RAI14: variants seen among roughly 807,000 people sequenced by gnomAD.
RAI14 encodes ankycorbin.
A neutral mutation model predicts 115.4 loss-of-function variants in RAI14; 45 were observed. That is an observed-to-expected ratio of 0.39 (90% CI 0.31 to 0.50). RAI14 has a LOEUF of 0.50. Ranked by LOEUF, RAI14 falls within the 20% of genes least tolerant of loss-of-function variation. The pLI, the probability that RAI14 is intolerant of heterozygous loss-of-function variation, is 0.85. For missense variants in RAI14, 939 were observed against 1,131.2 expected (o/e 0.83, Z 2.44); for synonymous variants, 371 against 415.4 (o/e 0.89, Z 1.30).
chr5:34,732,439 ATTTT>A (rs369302342), intron 2 of RAI14, among the ~76,000 whole-genome samples: 6,348 of 133,876 alleles, frequency 0.047, 375 homozygotes, highest in African/African-American at 0.16. Context: ...ACCATGCTTG[ATTTT>A]TTTTTTTTTT....
rs149066552 is a variant in RAI14, at chr5:34,711,598, G to C, written c.36+24643G>C. ...GCTCAGAGGCCTGACAACAGGGATGGAACCCTCATGAATGAGATTATTGCC... is the reference window on the plus strand; with the variant it reads ...GCTCAGAGGCCTGACAACAGGGATGCAACCCTCATGAATGAGATTATTGCC... On this transcript the variant is annotated intron_variant, in intron 2 of 17. Transcript: ENST00000265109. Among the ~76,000 whole-genome samples the C allele has an allele frequency of 2.5e-3, 382 of 152,334 alleles. 1 individual carries two copies. The highest frequency in any genetic ancestry group is 3.8e-3 in the Non-Finnish European group (256 of 68,032).
rs923634797 is a variant in RAI14, at chr5:34,817,584, G to A, written c.940-1213G>A. Among the ~76,000 whole-genome samples the A allele has an allele frequency of 2.0e-5, 3 of 152,104 alleles. No homozygotes were observed. In the East Asian group the frequency reaches 5.8e-4, roughly 29 times the overall value. On this transcript the variant is annotated intron_variant, in intron 12 of 17. Transcript: ENST00000265109. ...CATTCACAACCTCCCCAAATTGGAA[G>A]CAAACCAAATGTCCATGAACAAGTG...
At chr5:34,722,387 G>C (rs990169487) in intron 2 of RAI14, among the ~76,000 whole-genome samples, 1 of 151,644 alleles carries the variant, frequency 6.6e-6, no homozygotes. Flanking sequence ...CAAGGCAAGA[G>C]GTCCCAGGAG....
At chr5:34,821,518 G>A (rs958032195) in intron 13 of RAI14, among the ~76,000 whole-genome samples, 1 of 151,992 alleles carries the variant, frequency 6.6e-6, no homozygotes, top group East Asian at 1.9e-4. Flanking sequence ...GTGTACACAT[G>A]TATCTAGTAT....
rs975802336 is a variant in RAI14, at chr5:34,709,935, G to C, written c.36+22980G>C. Among the ~76,000 whole-genome samples, 4 of 152,322 alleles carry C rather than the reference G, an allele frequency of 2.6e-5. 1 individual carries two copies. The South Asian group carries it at 8.3e-4, about 32-fold the overall frequency. On this transcript the variant is annotated intron_variant, in intron 2 of 17. Transcript: ENST00000265109. ...TGTTTTCAAACCATCCCGAAGAAAA[G>C]CAAATGTGATTTAAGGCCAGATTGT...
chr5:34,678,099 G>GT (rs1561229790), intron 1 of RAI14, among the ~76,000 whole-genome samples: 14 of 123,706 alleles, frequency 1.1e-4, no homozygotes, highest in Admixed American at 1.7e-4. Flanking sequence ...ATTTTGTTTT[G>GT]TTTTGTTTTT....
chr5:34,696,210 C>T (rs1739209565), intron 2 of RAI14, among the ~76,000 whole-genome samples: 1 of 152,118 alleles, frequency 6.6e-6, no homozygotes. Flanking sequence ...ACAATCTTGG[C>T]TCACTGCAAC....
At chr5:34,723,924 G>A (rs1189103778) in intron 2 of RAI14, among the ~76,000 whole-genome samples, 1 of 152,092 alleles carries the variant, frequency 6.6e-6, no homozygotes, top group East Asian at 1.9e-4. Context: ...AAATTGCTTG[G>A]TCTATGCTTT....
chr5:34,784,967 A>C (rs1267457551), intron 3 of RAI14, among the ~76,000 whole-genome samples: 1 of 152,194 alleles, frequency 6.6e-6, no homozygotes, highest in African/African-American at 2.4e-5. Context: ...CTGTGGCACA[A>C]TTGTAGTGTC....
intron 1 of RAI14, among the ~76,000 whole-genome samples, chr5:34,683,766 C>A (rs950142914): frequency 1.3e-5 from 2 of 151,188 alleles, no homozygotes; most frequent in Non-Finnish European, 2.9e-5. Context: ...CTCACTCTGT[C>A]GCCCAGGGTG....
intron 1 of RAI14, among the ~76,000 whole-genome samples, chr5:34,673,762 GCCTCTGTCC>G (rs1743781617): frequency 1.3e-5 from 2 of 152,098 alleles, no homozygotes; most frequent in Non-Finnish European, 2.9e-5. Context: ...TCCCACCCCT[GCCTCTGTCC>G]CCTCTCTCAA....
At chr5:34,683,546 C>T (rs1283256731) in intron 1 of RAI14, among the ~76,000 whole-genome samples, 1 of 152,138 alleles carries the variant, frequency 6.6e-6, no homozygotes, top group East Asian at 1.9e-4. Context: ...AGACTTTGTG[C>T]TCTCTGAATA....
At chr5:34,757,196 A>G (rs1419083172) in intron 2 of RAI14, 16 of 490,802 alleles carry the variant, frequency 3.3e-5, no homozygotes, top group Non-Finnish European at 5.2e-5. Context: ...ACGTTGCTTC[A>G]TATTCCTAGT....
intron 1 of RAI14, among the ~76,000 whole-genome samples, chr5:34,662,043 C>T (rs532242367): frequency 6.6e-6 from 1 of 152,318 alleles, no homozygotes; most frequent in Admixed American, 6.5e-5. Flanking sequence ...CCTGCTTCAG[C>T]CTCTTGAAGT....
rs2150320386 is a variant in RAI14, at chr5:34,830,869, G to T, written c.*104G>T. The T allele has an allele frequency of 6.5e-7, 1 of 1,543,898 alleles. No individual in the cohort carries two copies. The highest frequency in any genetic ancestry group is 2.4e-5 in the East Asian group (1 of 41,690). On this transcript the variant is annotated 3_prime_UTR_variant, in exon 18 of 18. Coordinates refer to ENST00000265109, the MANE Select transcript of RAI14 (RefSeq NM_015577.3). The stretch of plus-strand genomic sequence containing the variant: ...TGTTCTCATTCGTGGTATGCACTGT[G>T]GCCTAGCGTAGCTTCTTCCCTTTCC...
intron 4 of RAI14, among the ~76,000 whole-genome samples, chr5:34,796,397 C>CAAAAA (rs373073743): frequency 8.1e-6 from 1 of 124,076 alleles, no homozygotes; most frequent in African/African-American, 3.0e-5. Flanking sequence ...GACTCTGTCT[C>CAAAAA]AAAAAAAAAA....
intron 2 of RAI14, among the ~76,000 whole-genome samples, chr5:34,745,330 T>C (rs1746021178): frequency 6.6e-6 from 1 of 152,212 alleles, no homozygotes; most frequent in Non-Finnish European, 1.5e-5. Flanking sequence ...TCATTTGACA[T>C]TTGCTGCTCT....
chr5:34,804,271 T>G (rs984947185), intron 5 of RAI14, among the ~76,000 whole-genome samples: 1 of 152,234 alleles, frequency 6.6e-6, no homozygotes, highest in Non-Finnish European at 1.5e-5. Flanking sequence ...TTGGTTTTAT[T>G]CTTCTTTATA....
chr5:34,712,902 TGAA>T (rs1371864675), intron 2 of RAI14, among the ~76,000 whole-genome samples: 3 of 152,220 alleles, frequency 2.0e-5, no homozygotes, highest in African/African-American at 4.8e-5. Flanking sequence ...ATGGGTGTCT[TGAA>T]GAATAGAACA....
Sources: allele counts gnomAD v4.1 joint callset (sites outside exome capture counted in the v4.1 genomes callset), GRCh38; gene constraint gnomAD v4.1.1; transcripts MANE v1.5; gene names NCBI Gene and HGNC (gene_info 2026-07-23, HGNC 2026-07-21).